Variants in SPAG16 observed in about 807,000 individuals in gnomAD.
The protein encoded by SPAG16 is sperm-associated antigen 16 protein.
In SPAG16, 86 loss-of-function variants were observed where a neutral mutation model predicts 80.4. That is an observed-to-expected ratio of 1.07 (90% CI 0.90 to 1.28). SPAG16 has a LOEUF of 1.28. Among genes scored for constraint, SPAG16 ranks in the 50% most tolerant of loss-of-function variants. The probability of loss-of-function intolerance (pLI) is 0.00; values close to 1 mark genes in which losing one functional copy is unlikely to be tolerated. For synonymous variants in SPAG16, 294 were observed against 265.9 expected, an observed-to-expected ratio of 1.11 and a Z score of -1.03; for missense variants, 870 against 765.3, an observed-to-expected ratio of 1.14 and a Z score of -1.61.
intron 13 of SPAG16, among the ~76,000 whole-genome samples, chr2:214,084,048 A>G (rs143128392): frequency 2.6e-5 from 4 of 152,118 alleles, no homozygotes; most frequent in Admixed American, 6.5e-5. Context: ...AGTTTTGAGA[A>G]AACCATATAA....
chr2:213,433,088 T>C (rs1410107974), intron 9 of SPAG16, among the ~76,000 whole-genome samples: 1 of 152,176 alleles, frequency 6.6e-6, no homozygotes, highest in Non-Finnish European at 1.5e-5. Context: ...AAACTAGTCA[T>C]AGAAGGAACA....
intron 13 of SPAG16, among the ~76,000 whole-genome samples, chr2:214,065,762 C>T (rs995099070): frequency 6.6e-6 from 1 of 152,120 alleles, no homozygotes; most frequent in African/African-American, 2.4e-5. Context: ...GAAGCCCTCT[C>T]TGTAGCCCAG....
At chr2:213,380,592 C>A (rs1241477418) in intron 9 of SPAG16, among the ~76,000 whole-genome samples, 3 of 152,238 alleles carry the variant, frequency 2.0e-5, no homozygotes, top group Non-Finnish European at 4.4e-5. Flanking sequence ...GCATCCAGTT[C>A]ACGACAGGCA....
At chr2:213,727,262 A>G (rs2066809923) in intron 10 of SPAG16, among the ~76,000 whole-genome samples, 1 of 152,228 alleles carries the variant, frequency 6.6e-6, no homozygotes, top group South Asian at 2.1e-4. Flanking sequence ...TAACTGAAAT[A>G]TACAATGCAA....
chr2:213,551,230 G>A (rs551206379), intron 10 of SPAG16, among the ~76,000 whole-genome samples: 9 of 152,234 alleles, frequency 5.9e-5, no homozygotes, highest in African/African-American at 2.2e-4. Flanking sequence ...CATTCAGAAG[G>A]CTTTTCTCCC....
intron 10 of SPAG16, among the ~76,000 whole-genome samples, chr2:213,519,234 C>G (rs138009210): frequency 2.0e-5 from 3 of 152,302 alleles, no homozygotes; most frequent in South Asian, 2.1e-4. Context: ...TTAAAATTTT[C>G]TACTGATTCA....
At position 213,340,433 on chromosome 2, in the gene SPAG16, G is replaced by A. The variant is rs964489668; in HGVS notation, c.644+163G>A. Among the ~76,000 whole-genome samples the A allele has an allele frequency of 2.0e-5, 3 of 152,148 alleles. No individual in the cohort carries two copies. The East Asian group carries it at 5.8e-4, about 29-fold the overall frequency. On this transcript the variant is annotated intron_variant, in intron 6 of 15. Coordinates refer to ENST00000331683, the MANE Select transcript of SPAG16 (RefSeq NM_024532.5). ...GTCAAGGGTCTCAGAAAATACTTGTGTGTGTGAAGTGGGAGGAGTTAAGCA... is the reference window on the plus strand; with the variant it reads ...GTCAAGGGTCTCAGAAAATACTTGTATGTGTGAAGTGGGAGGAGTTAAGCA...
chr2:213,871,536 G>T (rs1055947872), intron 11 of SPAG16, among the ~76,000 whole-genome samples: 1 of 151,834 alleles, frequency 6.6e-6, no homozygotes, highest in Non-Finnish European at 1.5e-5. Context: ...ACATGCAAGC[G>T]GAGGGCTGTG....
chr2:214,228,033 T>TTGA (rs1688402469), intron 15 of SPAG16, among the ~76,000 whole-genome samples: 1 of 151,992 alleles, frequency 6.6e-6, no homozygotes, highest in African/African-American at 2.4e-5. Flanking sequence ...AATAATTGAA[T>TTGA]ATTGAATATG....
intron 15 of SPAG16, among the ~76,000 whole-genome samples, chr2:214,281,615 T>C (rs958840635): frequency 3.9e-5 from 6 of 152,330 alleles, no homozygotes; most frequent in South Asian, 4.1e-4. Flanking sequence ...GCATGACTCC[T>C]ACCTGTTTGG....
At chr2:214,335,483 TAG>T (rs1491044887) in intron 15 of SPAG16, among the ~76,000 whole-genome samples, 5 of 136,452 alleles carry the variant, frequency 3.7e-5, no homozygotes, top group African/African-American at 7.6e-5. Flanking sequence ...TATATATATA[TAG>T]ATATATATAT....
At chr2:214,243,562 A>G (rs1192756602) in intron 15 of SPAG16, among the ~76,000 whole-genome samples, 1 of 152,112 alleles carries the variant, frequency 6.6e-6, no homozygotes, top group East Asian at 1.9e-4. Flanking sequence ...ATAAAAGGTT[A>G]TAATGTGTTC....
At chr2:214,174,538 G>A (rs1464923458) in intron 15 of SPAG16, among the ~76,000 whole-genome samples, 2 of 151,684 alleles carry the variant, frequency 1.3e-5, no homozygotes. Context: ...GTGAAGAGAA[G>A]TTATTAATGT....
chr2:213,453,863 G>T (rs2071846461), intron 9 of SPAG16, among the ~76,000 whole-genome samples: 1 of 152,130 alleles, frequency 6.6e-6, no homozygotes, highest in Non-Finnish European at 1.5e-5. Flanking sequence ...TTATGTTGTT[G>T]GCTGTTGTGT....
intron 11 of SPAG16, among the ~76,000 whole-genome samples, chr2:213,895,124 C>G (rs1398277465): frequency 6.6e-6 from 1 of 150,490 alleles, no homozygotes. Context: ...TATACACTGA[C>G]AGTGAAGAAT....
At chr2:213,368,711 G>A (rs1389739654) in intron 8 of SPAG16, among the ~76,000 whole-genome samples, 3 of 152,180 alleles carry the variant, frequency 2.0e-5, no homozygotes. Context: ...AGCAACTTCA[G>A]CAAAGTCTCA....
At chr2:213,781,090 T>G (rs752047260) in intron 10 of SPAG16, among the ~76,000 whole-genome samples, 3 of 152,144 alleles carry the variant, frequency 2.0e-5, no homozygotes, top group Non-Finnish European at 2.9e-5. Context: ...ATTACAGACA[T>G]TATATGTTAC....
At chr2:213,778,102 G>A (rs774835529) in intron 10 of SPAG16, among the ~76,000 whole-genome samples, 5 of 151,558 alleles carry the variant, frequency 3.3e-5, no homozygotes, top group South Asian at 2.1e-4. Flanking sequence ...TAGAATGAAC[G>A]TTATACTGTT....
intron 10 of SPAG16, among the ~76,000 whole-genome samples, chr2:213,812,339 A>G (rs1484355834): frequency 6.6e-6 from 1 of 152,198 alleles, no homozygotes. Context: ...AAATGAAACC[A>G]GAGTGTGGCA....
Sources: gnomAD v4.1 joint callset for allele counts (sites outside exome capture counted in the v4.1 genomes callset) on GRCh38, gnomAD v4.1.1 for gene constraint, MANE v1.5 for transcripts, NCBI Gene and HGNC (gene_info 2026-07-23, HGNC 2026-07-21) for gene names.